Variants in FRMD4A observed in about 807,000 individuals in gnomAD.
FRMD4A encodes FERM domain-containing protein 4A.
In FRMD4A, 29 loss-of-function variants were observed where a neutral mutation model predicts 129.1. The ratio of observed to expected loss-of-function variants is 0.22; its 90% confidence interval spans 0.17 to 0.31. The LOEUF is 0.31. Among genes scored for constraint, FRMD4A ranks in the 10% least tolerant of loss-of-function variants. FRMD4A has a pLI of 1.00. For synonymous variants in FRMD4A, 634 were observed against 571.6 expected, an observed-to-expected ratio of 1.11 and a Z score of -1.56; for missense variants, 1,272 against 1,375.8, an observed-to-expected ratio of 0.92 and a Z score of 1.19.
At chr10:13,805,439 A>T (rs1340819101) in intron 4 of FRMD4A, among the ~76,000 whole-genome samples, 1 of 147,158 alleles carries the variant, frequency 6.8e-6, no homozygotes, top group Non-Finnish European at 1.5e-5. Flanking sequence ...TTTTTTTCTT[A>T]AAAAAAAACC....
chr10:14,200,380 G>A (rs909182380), intron 2 of FRMD4A, among the ~76,000 whole-genome samples: 1 of 138,954 alleles, frequency 7.2e-6, no homozygotes, highest in Non-Finnish European at 1.7e-5. Context: ...TGCAACCTCC[G>A]CCTCCTAGGT....
intron 2 of FRMD4A, among the ~76,000 whole-genome samples, chr10:14,225,737 CTG>C (rs1843412388): frequency 6.6e-6 from 1 of 152,236 alleles, no homozygotes. Context: ...TTGCTTCCCT[CTG>C]TAGCTCTTCT....
At chr10:13,696,343 G>A (rs1024786823) in intron 14 of FRMD4A, among the ~76,000 whole-genome samples, 6 of 152,106 alleles carry the variant, frequency 3.9e-5, no homozygotes, top group African/African-American at 1.4e-4. Flanking sequence ...GGAGACCCAG[G>A]TTTTAATAAA....
chr10:14,313,896 A>T (rs1846644320), intron 2 of FRMD4A, among the ~76,000 whole-genome samples: 1 of 152,248 alleles, frequency 6.6e-6, no homozygotes, highest in Non-Finnish European at 1.5e-5. Flanking sequence ...TCCCTACAGG[A>T]AGAGCCTAAA....
chr10:13,809,474 T>C (rs1279941076), intron 4 of FRMD4A, among the ~76,000 whole-genome samples: 2 of 152,228 alleles, frequency 1.3e-5, no homozygotes, highest in East Asian at 3.9e-4. Flanking sequence ...ATAATCTACA[T>C]TTGTAAAAGT....
At chr10:13,864,423 A>T (rs2094337610) in intron 2 of FRMD4A, among the ~76,000 whole-genome samples, 1 of 151,602 alleles carries the variant, frequency 6.6e-6, no homozygotes, top group Non-Finnish European at 1.5e-5. Flanking sequence ...AAAAAAAGTC[A>T]ACCCTATTTG....
chr10:13,834,681 A>G (rs1034502573), intron 3 of FRMD4A, among the ~76,000 whole-genome samples: 5 of 152,210 alleles, frequency 3.3e-5, no homozygotes, highest in African/African-American at 9.7e-5. Context: ...TCAGCATTAC[A>G]AAGCACGTCA....
chr10:14,121,774 G>C (rs1287842336), intron 2 of FRMD4A, among the ~76,000 whole-genome samples: 1 of 152,168 alleles, frequency 6.6e-6, no homozygotes, highest in Non-Finnish European at 1.5e-5. Flanking sequence ...ATTGGCTTTA[G>C]GGTTGACAGC....
chr10:13,984,886 G>A (rs1350417608), intron 2 of FRMD4A, among the ~76,000 whole-genome samples: 1 of 152,252 alleles, frequency 6.6e-6, no homozygotes, highest in African/African-American at 2.4e-5. Flanking sequence ...TTACCCAGGA[G>A]TGAGACTGCT....
chr10:14,092,201 A>G (rs1836700217), intron 2 of FRMD4A, among the ~76,000 whole-genome samples: 1 of 152,138 alleles, frequency 6.6e-6, no homozygotes, highest in South Asian at 2.1e-4. Context: ...TGAACCGGCT[A>G]CTAGGGGCAC....
intron 2 of FRMD4A, among the ~76,000 whole-genome samples, chr10:14,109,593 G>A (rs572887982): frequency 2.6e-5 from 4 of 152,282 alleles, no homozygotes; most frequent in East Asian, 3.9e-4. Flanking sequence ...TGTCTAAGCT[G>A]CCAGAAAAAT....
At chr10:14,114,066 T>G (rs1204022520) in intron 2 of FRMD4A, among the ~76,000 whole-genome samples, 1 of 152,156 alleles carries the variant, frequency 6.6e-6, no homozygotes, top group Non-Finnish European at 1.5e-5. Context: ...CACGTACTTG[T>G]GGGTATGGCT....
intron 2 of FRMD4A, among the ~76,000 whole-genome samples, chr10:14,185,713 G>A (rs1162843373): frequency 2.6e-5 from 4 of 152,202 alleles, no homozygotes; most frequent in Non-Finnish European, 4.4e-5. Flanking sequence ...GGCACCTTCA[G>A]TAGTTCTAGA....
In FRMD4A at chr10:13,646,146, C is replaced by G. The variant is rs757826995; in HGVS notation, c.*892G>C. The G allele has an allele frequency of 5.9e-5, 9 of 152,488 alleles. No individual in the cohort carries two copies. Among genetic ancestry groups the G allele is most frequent in the Non-Finnish European group, 1.2e-4 (8 of 68,036 alleles). The allele number at this position is 152,488 out of a possible 1,614,324, so 9.4% of individuals were successfully genotyped here. A position where few individuals can be genotyped will look rare whatever the true frequency, so the allele number is the denominator to read the frequency against. ...CCTCGCCTTTACCGTGGCATTGGGG[C>G]AGTTTTTCAGGCTCTCTACGGAGAG... On this transcript the variant is annotated 3_prime_UTR_variant, in exon 25 of 25. Coordinates refer to ENST00000357447, the MANE Select transcript of FRMD4A (RefSeq NM_018027.5).
At chr10:13,891,801 G>C (rs1193834930) in intron 2 of FRMD4A, 8 of 948,288 alleles carry the variant, frequency 8.4e-6, no homozygotes, top group African/African-American at 1.8e-5. Context: ...CGGGCCCTCG[G>C]CGTCAGCCCA....
chr10:14,024,932 C>T (rs753114042), intron 2 of FRMD4A, among the ~76,000 whole-genome samples: 6 of 152,222 alleles, frequency 3.9e-5, no homozygotes, highest in East Asian at 3.8e-4. Flanking sequence ...TATTGTCGAA[C>T]GGGGGCAGTG....
At chr10:13,844,839 C>A (rs533849013) in intron 3 of FRMD4A, among the ~76,000 whole-genome samples, 5 of 152,130 alleles carry the variant, frequency 3.3e-5, no homozygotes, top group African/African-American at 1.2e-4. Flanking sequence ...TCCCACCGTG[C>A]GCTACAAAAT....
chr10:13,803,245 C>T (rs1204105618), intron 4 of FRMD4A, among the ~76,000 whole-genome samples: 6 of 151,892 alleles, frequency 4.0e-5, no homozygotes, highest in African/African-American at 1.5e-4. Flanking sequence ...CTGGGGAAAC[C>T]AGATTACTAA....
chr10:13,699,065 T>C (rs2086525651), intron 14 of FRMD4A, among the ~76,000 whole-genome samples: 1 of 150,448 alleles, frequency 6.6e-6, no homozygotes, highest in Non-Finnish European at 1.5e-5. Context: ...TTTTTTTTTT[T>C]TTTTTTCTGA....
Sources: allele counts gnomAD v4.1 joint callset (sites outside exome capture counted in the v4.1 genomes callset), GRCh38; gene constraint gnomAD v4.1.1; transcripts MANE v1.5; gene names NCBI Gene and HGNC (gene_info 2026-07-23, HGNC 2026-07-21).